ZHX2: variants seen among roughly 807,000 people sequenced by gnomAD.
ZHX2 encodes the protein zinc fingers and homeoboxes protein 2.
ZHX2 carries 6 observed loss-of-function variants against 21.9 expected under a neutral mutation model. The observed-to-expected ratio is 0.27, with a 90% CI of 0.15 to 0.54. ZHX2 has a LOEUF of 0.54. Ranked by LOEUF, ZHX2 falls within the 20% of genes least tolerant of loss-of-function variation. ZHX2 has a pLI of 0.95. For synonymous variants in ZHX2, 434 were observed against 437.1 expected (o/e 0.99, Z 0.09); for missense variants, 908 against 1,090.7 (o/e 0.83, Z 2.36).
rs1228065457 is a variant in ZHX2 at position 122,952,444 on chromosome 8, A to G, written c.934A>G (p.Thr312Ala). 1.9e-6 allele frequency: 3 copies of G among 1,614,180 alleles called. No individual in the cohort carries two copies. Among genetic ancestry groups the G allele is most frequent in the Non-Finnish European group, 2.5e-6 (3 of 1,180,042 alleles). Residue 312 changes from threonine to alanine, a missense_variant, in exon 3 of 4, where the codon ACC becomes GCC. By Grantham distance (58) the Thr-to-Ala change is moderately conservative (BLOSUM62 0). Coordinates refer to ENST00000314393, the MANE Select transcript of ZHX2 (RefSeq NM_014943.5). This position sits in a 1 kb window ranked among gnomAD's most constrained non-coding sequence, Gnocchi z 6.9. ...GGAGCACATCAGAATCTGGTTTGCC[A>G]CCCAGCGCTTAAAGCATGGCATCAG... Reference protein sequence around the residue: ...PEEHIRIWFATQRLKHGISWS... With the variant: ...PEEHIRIWFAAQRLKHGISWS...
chr8:122,877,595 C>G (rs1819600544), intron 2 of ZHX2, among the ~76,000 whole-genome samples: 1 of 152,194 alleles, frequency 6.6e-6, no homozygotes, highest in Non-Finnish European at 1.5e-5. Context: ...TCTGGATTTG[C>G]TGCCTCATCA....
intron 2 of ZHX2, among the ~76,000 whole-genome samples, chr8:122,936,956 T>A (rs1320778068): frequency 6.6e-6 from 1 of 152,258 alleles, no homozygotes; most frequent in Non-Finnish European, 1.5e-5. Context: ...TCACTCACTG[T>A]TCCTGGAGAC....
intron 2 of ZHX2, among the ~76,000 whole-genome samples, chr8:122,917,166 T>C (rs1820626990): frequency 6.6e-6 from 1 of 152,176 alleles, no homozygotes; most frequent in South Asian, 2.1e-4. Context: ...CAGGAGGTTT[T>C]GTCTCCACCT....
intron 2 of ZHX2, among the ~76,000 whole-genome samples, chr8:122,934,320 T>A (rs1812620007): frequency 6.6e-6 from 1 of 152,194 alleles, no homozygotes; most frequent in Non-Finnish European, 1.5e-5. Context: ...AAGAATCAGT[T>A]CAGTTCAAAA....
chr8:122,811,615 C>T (rs1053965772), intron 1 of ZHX2, among the ~76,000 whole-genome samples: 2 of 152,206 alleles, frequency 1.3e-5, no homozygotes, highest in Non-Finnish European at 2.9e-5. Context: ...GAAATCCCAT[C>T]TGTGATGTTT....
At chr8:122,896,327 A>G (rs1820100477) in intron 2 of ZHX2, among the ~76,000 whole-genome samples, 1 of 152,128 alleles carries the variant, frequency 6.6e-6, no homozygotes, top group Admixed American at 6.5e-5. Flanking sequence ...GCTCCTGCAG[A>G]AAAATGAGCA....
At chr8:122,792,907 G>C (rs1220308771) in intron 1 of ZHX2, among the ~76,000 whole-genome samples, 1 of 152,142 alleles carries the variant, frequency 6.6e-6, no homozygotes, top group Non-Finnish European at 1.5e-5. Flanking sequence ...CCTCACCCCG[G>C]TCCAGGCCCT....
intron 1 of ZHX2, among the ~76,000 whole-genome samples, chr8:122,797,929 A>T (rs781425623): frequency 2.4e-4 from 37 of 152,180 alleles, no homozygotes; most frequent in Non-Finnish European, 8.8e-5. Context: ...TGCCAGGCCG[A>T]TTCTCAGAAC....
chr8:122,832,550 G>A (rs1818400487), intron 1 of ZHX2, among the ~76,000 whole-genome samples: 1 of 152,192 alleles, frequency 6.6e-6, no homozygotes, highest in African/African-American at 2.4e-5. Context: ...TGAGGTGAGA[G>A]CCTTCTGGAG....
At chr8:122,908,674 A>G (rs1820403711) in intron 2 of ZHX2, among the ~76,000 whole-genome samples, 1 of 152,120 alleles carries the variant, frequency 6.6e-6, no homozygotes, top group African/African-American at 2.4e-5. Context: ...TCTCATGCCC[A>G]CTCAGCATCC....
intron 3 of ZHX2, among the ~76,000 whole-genome samples, chr8:122,968,413 G>A (rs1026255972): frequency 3.3e-5 from 5 of 152,154 alleles, no homozygotes; most frequent in South Asian, 2.1e-4. Context: ...GGGATGGCAC[G>A]GAGTTTTTGT....
chr8:122,891,941 G>A (rs1819990402), intron 2 of ZHX2, among the ~76,000 whole-genome samples: 1 of 152,206 alleles, frequency 6.6e-6, no homozygotes, highest in African/African-American at 2.4e-5. Context: ...GGTCTATTTA[G>A]TCTATAGTGT....
intron 2 of ZHX2, among the ~76,000 whole-genome samples, chr8:122,919,026 C>G (rs1290471051): frequency 1.3e-5 from 2 of 152,050 alleles, no homozygotes; most frequent in Non-Finnish European, 2.9e-5. Flanking sequence ...ACTGTTCTCC[C>G]ACCTGGAATA....
At chr8:122,896,171 C>G (rs1424252576) in intron 2 of ZHX2, among the ~76,000 whole-genome samples, 4 of 151,830 alleles carry the variant, frequency 2.6e-5, no homozygotes, top group African/African-American at 9.7e-5. Context: ...TCCCATTGCT[C>G]TTCTGTTCTC....
chr8:122,866,532 C>G (rs374855503), intron 2 of ZHX2, among the ~76,000 whole-genome samples: 2 of 152,182 alleles, frequency 1.3e-5, no homozygotes, highest in Non-Finnish European at 2.9e-5. Flanking sequence ...GTATATGACA[C>G]AAACACAGCG....
At chr8:122,969,036 C>G (rs142084077) in intron 3 of ZHX2, among the ~76,000 whole-genome samples, 1 of 152,008 alleles carries the variant, frequency 6.6e-6, no homozygotes, top group African/African-American at 2.4e-5. Context: ...TGGCACACAC[C>G]TGTAGTTCCA....
At chr8:122,942,604 C>T (rs1812874441) in intron 2 of ZHX2, among the ~76,000 whole-genome samples, 1 of 152,122 alleles carries the variant, frequency 6.6e-6, no homozygotes, top group African/African-American at 2.4e-5. Context: ...CCCCCGAGGG[C>T]TTGAGATCCT....
At chr8:122,791,396 G>A (rs1490952127) in intron 1 of ZHX2, among the ~76,000 whole-genome samples, 2 of 152,112 alleles carry the variant, frequency 1.3e-5, no homozygotes, top group African/African-American at 4.8e-5. Context: ...TAGCTGATTG[G>A]GAGCCCTGCC....
chr8:122,815,494 T>C (rs1006178635), intron 1 of ZHX2: 1 of 153,274 alleles, frequency 6.5e-6, no homozygotes, highest in African/African-American at 2.4e-5. Context: ...ACTGCTGCAA[T>C]CTCATGATAA....
Sources: gnomAD v4.1 joint callset for allele counts (sites outside exome capture counted in the v4.1 genomes callset) on GRCh38, gnomAD v4.1.1 for gene constraint, Gnocchi (gnomAD v3.1) non-coding constraint, MANE v1.5 for transcripts, NCBI Gene and HGNC (gene_info 2026-07-23, HGNC 2026-07-21) for gene names.